FIS1: variants seen among roughly 807,000 people sequenced by gnomAD.
FIS1 encodes fission, mitochondrial 1.
Under a neutral mutation model 21.6 loss-of-function variants are expected in FIS1, and 16 were observed. The observed-to-expected ratio is 0.74, with a 90% CI of 0.50 to 1.12. The LOEUF is 1.12. Among genes scored for constraint, FIS1 ranks in the 50% most tolerant of loss-of-function variants. The pLI, the probability that FIS1 is intolerant of heterozygous loss-of-function variation, is 0.00. For missense variants in FIS1, 198 were observed against 190.9 expected (o/e 1.04, Z -0.22); for synonymous variants, 92 against 82.2 (o/e 1.12, Z -0.65).
intron 2 of FIS1, among the ~76,000 whole-genome samples, chr7:101,243,227 C>A (rs1798771179): frequency 6.6e-6 from 1 of 152,116 alleles, no homozygotes; most frequent in Non-Finnish European, 1.5e-5. Flanking sequence ...AGTATTGTGG[C>A]CTCTGACAAA....
intron 1 of FIS1, 66 bp from the exon 2 acceptor site, chr7:101,244,205 G>A (rs1009578993): frequency 3.1e-5 from 49 of 1,555,886 alleles, no homozygotes; most frequent in Non-Finnish European, 3.8e-5. Context: ...ATCTGGACAT[G>A]CCATCTCCCT....
chr7:101,240,053 G>A, intron 4 of FIS1, 89 bp downstream of exon 4: 1 of 1,483,434 alleles, frequency 6.7e-7, no homozygotes, highest in Non-Finnish European at 9.4e-7. Flanking sequence ...TGGGGCTGAG[G>A]GGCTGCCTGG....
Position 101,240,217 on chromosome 7 carries a change from C to CGCT in FIS1, c.285_286insAGC (p.Arg95_Gly96insSer). On this transcript the variant is annotated inframe_insertion, in exon 4 of 5. Transcript: ENST00000223136. ...TTCTGGGGCTCTGTCTGCAGCAACCCGCGGACGTACTTTAAGGCCTTCTCG... is the reference window on the plus strand; with the variant it reads ...TTCTGGGGCTCTGTCTGCAGCAACCCGCTGCGGACGTACTTTAAGGCCTTCTCG... 1 of 1,614,208 alleles carries CGCT rather than the reference C, an allele frequency of 6.2e-7. No homozygotes were observed.
At chr7:101,241,231 A>G (rs1798742750) in intron 2 of FIS1, 1 of 277,126 alleles carries the variant, frequency 3.6e-6, no homozygotes. Flanking sequence ...CTGCTGTGGT[A>G]TTTTTTTTCA....
chr7:101,239,566 G>A lies in FIS1; in HGVS notation c.*240C>T. ...CAGGAGTGACGTCTCCGCCCCCTGT[G>A]CCCAGCGTTCAGAACCCACCCCTCC... On this transcript the variant is annotated 3_prime_UTR_variant, in exon 5 of 5. Transcript: ENST00000223136. The A allele has an allele frequency of 1.7e-6, 1 of 586,846 alleles. No individual in the cohort carries two copies. 36.4% of individuals were successfully genotyped at this position (586,846 alleles called of 1,614,324 possible). A position where few individuals can be genotyped will look rare whatever the true frequency, so the allele number is the denominator to read the frequency against.
Position 101,239,675 on chromosome 7 carries a change from G to A in FIS1, c.*131C>T, listed in dbSNP as rs770975119. On this transcript the variant is annotated 3_prime_UTR_variant, in exon 5 of 5. Coordinates refer to ENST00000223136, the MANE Select transcript of FIS1 (RefSeq NM_016068.3). ...AAAGCACATGATGGGGCTGAAGGAC[G>A]AATCTCAGGGGAGCAGAAATTAGCT... The A allele has an allele frequency of 6.4e-6, 5 of 782,654 alleles. No individual in the cohort carries two copies. The highest frequency in any genetic ancestry group is 4.4e-5 in the South Asian group (3 of 68,248). The allele number at this position is 782,654 out of a possible 1,614,324, so 48.5% of individuals were successfully genotyped here. A position where few individuals can be genotyped will look rare whatever the true frequency, so the allele number is the denominator to read the frequency against.
At chr7:101,243,137 C>T (rs1798770322) in intron 2 of FIS1, among the ~76,000 whole-genome samples, 1 of 152,118 alleles carries the variant, frequency 6.6e-6, no homozygotes, top group African/African-American at 2.4e-5. Flanking sequence ...CCCATGGCTA[C>T]AGAGGGATGG....
intron 2 of FIS1, among the ~76,000 whole-genome samples, chr7:101,242,311 G>A (rs1328627900): frequency 6.6e-6 from 1 of 152,132 alleles, no homozygotes; most frequent in Non-Finnish European, 1.5e-5. Flanking sequence ...TTCTGCAGGT[G>A]TTTATAAATC....
chr7:101,244,223 C>A (rs1005574652), intron 1 of FIS1, 84 bp from the exon 2 acceptor site: 6 of 1,459,450 alleles, frequency 4.1e-6, no homozygotes, highest in Admixed American at 2.1e-5. Context: ...CCTGGCTCTG[C>A]CCCTTTCCCT....
rs886786868 is a variant in FIS1 at position 101,244,056 on chromosome 7, C to A, written c.129G>T (p.Val43=). 1 of 1,613,922 alleles carries A rather than the reference C, an allele frequency of 6.2e-7. No individual in the cohort carries two copies. Among genetic ancestry groups the A allele is most frequent in the Non-Finnish European group, 8.5e-7 (1 of 1,179,980 alleles). ...GGATGTCATCATTGTACTTGCTCCG[C>A]ACCAGGCACCAGGCGTACTCAAACT... ...STQFEYAWCL[V]RSKYNDDIRK... is the part of the protein sequence containing the mutation. The change falls in exon 2 of 5, where the codon GTG becomes GTT. Residue 43 remains valine (V), a synonymous_variant. Coordinates refer to ENST00000223136, the MANE Select transcript of FIS1 (RefSeq NM_016068.3).
intron 4 of FIS1, 106 bp from the exon 5 acceptor site, chr7:101,240,009 T>A (rs1162156176): frequency 2.1e-6 from 3 of 1,406,870 alleles, no homozygotes; most frequent in South Asian, 1.2e-5. Context: ...CTACCTGGAG[T>A]CGCAGGGCAA....
rs1160833258 is a variant in FIS1 at position 101,243,899 on chromosome 7, C to T, written c.178+108G>A. 13 of 1,412,860 alleles carry T rather than the reference C, an allele frequency of 9.2e-6. No individual in the cohort carries two copies. The East Asian group carries it at 3.1e-4, about 34-fold the overall frequency. The allele number at this position is 1,412,860 out of a possible 1,614,324, so 87.5% of individuals were successfully genotyped here. A position where few individuals can be genotyped will look rare whatever the true frequency, so the allele number is the denominator to read the frequency against. On this transcript the variant is annotated intron_variant, in intron 2 of 4. Coordinates refer to ENST00000223136, the MANE Select transcript of FIS1 (RefSeq NM_016068.3). ...GGGAGACGTCAAGCTAAGTATAGCC[C>T]TTGGTGCAGTAAATCTACCGGAGAC...
intron 3 of FIS1, 110 bp downstream of exon 3, chr7:101,240,712 GCTCTGCAC>G (rs1255008182): frequency 4.2e-6 from 4 of 945,520 alleles, no homozygotes; most frequent in Non-Finnish European, 6.8e-6. Flanking sequence ...ATCTGACACC[GCTCTGCAC>G]CTCTGCACCC....
At chr7:101,243,748 A>G (rs1798777308) in intron 2 of FIS1, among the ~76,000 whole-genome samples, 1 of 152,224 alleles carries the variant, frequency 6.6e-6, no homozygotes, top group South Asian at 2.1e-4. Context: ...GTCCCAATTC[A>G]GCCATTAACT....
intron 4 of FIS1, 55 bp downstream of exon 4, chr7:101,240,087 A>T: frequency 6.3e-7 from 1 of 1,585,688 alleles, no homozygotes; most frequent in South Asian, 1.1e-5. Context: ...CAGAGAGACC[A>T]AAGTGCCCAG....
rs1371492533 is a variant in FIS1 at position 101,245,020 on chromosome 7, G to C, written c.-16C>G. 5.6e-6 allele frequency: 9 copies of C among 1,613,642 alleles called. No homozygotes were observed. In the African/African-American group the frequency reaches 8.0e-5, roughly 14 times the overall value. ...CGGCCTCCATGGCCACTGCCCCCGC[G>C]AGCCTCACACTACAGTCTACTGTGC... is the stretch of plus-strand genomic sequence containing the variant. On this transcript the variant is annotated 5_prime_UTR_variant, in exon 1 of 5. Coordinates refer to ENST00000223136, the MANE Select transcript of FIS1 (RefSeq NM_016068.3).
Position 101,240,817 on chromosome 7 carries a change from G to GT in FIS1, c.255+12dup. The GT allele has an allele frequency of 6.2e-7, 1 of 1,613,192 alleles. No homozygotes were observed. Among genetic ancestry groups the GT allele is most frequent in the Non-Finnish European group, 8.5e-7 (1 of 1,179,772 alleles). ...CCCAGAGGAGGGTGAAGGGAACGGG[G>GT]TCCCCACCTCACCTTGAGCCGGTAG... On this transcript the variant is annotated intron_variant, in intron 3 of 4. Coordinates refer to ENST00000223136, the MANE Select transcript of FIS1 (RefSeq NM_016068.3).
intron 2 of FIS1, among the ~76,000 whole-genome samples, chr7:101,242,922 C>CT (rs1225156944): frequency 1.3e-5 from 2 of 151,966 alleles, no homozygotes; most frequent in Non-Finnish European, 1.5e-5. Context: ...ATGAACAGAC[C>CT]TTTTTTTCTT....
chr7:101,242,355 C>T (rs907202464), intron 2 of FIS1, among the ~76,000 whole-genome samples: 1 of 152,186 alleles, frequency 6.6e-6, no homozygotes. Flanking sequence ...ACTAGACTGG[C>T]AACACTTAGA....
Sources: gnomAD v4.1 joint callset for allele counts (sites outside exome capture counted in the v4.1 genomes callset) on GRCh38, gnomAD v4.1.1 for gene constraint, MANE v1.5 for transcripts, NCBI Gene and HGNC (gene_info 2026-07-23, HGNC 2026-07-21) for gene names.